Variants in NCAM1 observed in about 807,000 individuals in gnomAD.
NCAM1 encodes the protein neural cell adhesion molecule 1.
Under a neutral mutation model 109.8 loss-of-function variants are expected in NCAM1, and 14 were observed. The ratio of observed to expected loss-of-function variants is 0.13; its 90% CI spans 0.08 to 0.20. The LOEUF (loss-of-function observed/expected upper bound fraction) is 0.20, where lower values mean the gene tolerates loss of function less well. NCAM1 is among the 10% of genes least tolerant of loss of function. The probability of loss-of-function intolerance (pLI) is 1.00; values close to 1 mark genes in which losing one functional copy is unlikely to be tolerated. For synonymous variants in NCAM1, 418 were observed against 442.9 expected, an observed-to-expected ratio of 0.94 and a Z score of 0.70; for missense variants, 774 against 1,109.9, an observed-to-expected ratio of 0.70 and a Z score of 4.30.
At chr11:112,965,766 A>G (rs1950714765) in intron 1 of NCAM1, among the ~76,000 whole-genome samples, 1 of 152,230 alleles carries the variant, frequency 6.6e-6, no homozygotes, top group African/African-American at 2.4e-5. Flanking sequence ...AGTGGCTTCA[A>G]TACTACTGGC....
chr11:113,035,723 T>G (rs1482565817), intron 1 of NCAM1, among the ~76,000 whole-genome samples: 1 of 152,302 alleles, frequency 6.6e-6, no homozygotes, highest in East Asian at 1.9e-4. Context: ...ATATTTGCAT[T>G]TATTAAGTAT....
rs1946239855 is a variant in NCAM1, at chr11:113,270,362, G to A, written c.2306G>A (p.Gly769Asp). 2 of 1,614,002 alleles carry A rather than the reference G, an allele frequency of 1.2e-6. No individual in the cohort carries two copies. Among genetic ancestry groups the A allele is most frequent in the Non-Finnish European group, 1.7e-6 (2 of 1,179,892 alleles). ...GGAAAAGCCGGGCCCGGGGCCAAGG[G>A]CAAGGACATGGAGGAGGGCAAGGCC... is the stretch of plus-strand genomic sequence containing the variant. The part of the protein sequence containing the change: ...LCGKAGPGAK[G>D]KDMEEGKAAF... Residue 769 changes from glycine (G) to aspartate (D), a missense_variant, in exon 18 of 20, where the codon GGC becomes GAC. Transcript: ENST00000316851.
intron 1 of NCAM1, among the ~76,000 whole-genome samples, chr11:113,022,289 A>G (rs1952410571): frequency 6.6e-6 from 1 of 152,120 alleles, no homozygotes; most frequent in South Asian, 2.1e-4. Context: ...CTTGTTTATG[A>G]CTCTAGGGAA....
chr11:113,177,848 TTC>T (rs1329450444), intron 1 of NCAM1, among the ~76,000 whole-genome samples: 2 of 152,114 alleles, frequency 1.3e-5, no homozygotes, highest in Admixed American at 6.6e-5. Context: ...CGTTTCTGCT[TTC>T]TCTCTTTCCT....
intron 1 of NCAM1, among the ~76,000 whole-genome samples, chr11:113,188,650 G>T (rs1295422294): frequency 3.3e-5 from 5 of 152,188 alleles, no homozygotes; most frequent in African/African-American, 1.2e-4. Context: ...TGTTGAGGTT[G>T]ATTCTATTTT....
At chr11:113,077,307 C>T (rs1555086305) in intron 1 of NCAM1, among the ~76,000 whole-genome samples, 1 of 152,160 alleles carries the variant, frequency 6.6e-6, no homozygotes. Context: ...GTATTTTGAT[C>T]TTGATATAAA....
chr11:113,173,702 T>C (rs1195999239), intron 1 of NCAM1, among the ~76,000 whole-genome samples: 1 of 150,802 alleles, frequency 6.6e-6, no homozygotes, highest in Non-Finnish European at 1.5e-5. Flanking sequence ...AGGTTCATTC[T>C]TGCCTAGTTC....
intron 1 of NCAM1, among the ~76,000 whole-genome samples, chr11:113,121,074 G>T (rs1236171184): frequency 6.6e-6 from 1 of 152,094 alleles, no homozygotes; most frequent in African/African-American, 2.4e-5. Flanking sequence ...GTCTTTAGGG[G>T]TCCAGTTTCT....
chr11:113,073,489 C>A (rs560398252), intron 1 of NCAM1, among the ~76,000 whole-genome samples: 1 of 152,218 alleles, frequency 6.6e-6, no homozygotes, highest in Non-Finnish European at 1.5e-5. Context: ...CTTCATACCT[C>A]TCTGGCAGCT....
At chr11:113,081,537 CTT>C (rs782197984) in intron 1 of NCAM1, among the ~76,000 whole-genome samples, 16 of 146,426 alleles carry the variant, frequency 1.1e-4, no homozygotes, top group Non-Finnish European at 1.9e-4. Flanking sequence ...TACTTTTTAT[CTT>C]TTCTTTTTTT....
chr11:113,174,993 C>T (rs1943102616), intron 1 of NCAM1, among the ~76,000 whole-genome samples: 2 of 152,176 alleles, frequency 1.3e-5, no homozygotes, highest in South Asian at 4.1e-4. Flanking sequence ...CAGCTAGGAG[C>T]CAAAAGGCTT....
At chr11:113,263,853 GACAGGCCACTC>G in intron 17 of NCAM1, 1 of 985,536 alleles carries the variant, frequency 1.0e-6, no homozygotes, top group Non-Finnish European at 1.2e-6. Flanking sequence ...GAAGGAGAGG[GACAGGCCACTC>G]CCAGACTGCC....
chr11:113,196,037 A>G (rs782006366), intron 1 of NCAM1, among the ~76,000 whole-genome samples: 8 of 151,994 alleles, frequency 5.3e-5, no homozygotes, highest in Non-Finnish European at 1.2e-4. Flanking sequence ...CAATTTCGAT[A>G]TCCCTTTGAG....
chr11:113,121,180 T>G (rs1303223121), intron 1 of NCAM1, among the ~76,000 whole-genome samples: 1 of 151,138 alleles, frequency 6.6e-6, no homozygotes, highest in Non-Finnish European at 1.5e-5. Flanking sequence ...CATGTTAAAG[T>G]GCCATATTTT....
intron 1 of NCAM1, among the ~76,000 whole-genome samples, chr11:112,990,447 G>A (rs997698027): frequency 3.9e-5 from 6 of 152,272 alleles, no homozygotes; most frequent in Admixed American, 6.5e-5. Context: ...TCTGACCACC[G>A]TTGAGAGGGA....
intron 16 of NCAM1, among the ~76,000 whole-genome samples, chr11:113,257,071 A>G (rs1463167877): frequency 6.6e-6 from 1 of 152,144 alleles, no homozygotes; most frequent in Admixed American, 6.5e-5. Context: ...TTCCCACTTA[A>G]TTTGTAAGCA....
chr11:113,262,702 A>T, intron 17 of NCAM1: 1 of 874,566 alleles, frequency 1.1e-6, no homozygotes, highest in African/African-American at 1.7e-5. Flanking sequence ...TTCTGTCTCT[A>T]CCTTCCCTTT....
chr11:113,048,823 G>C (rs1474028797), intron 1 of NCAM1, among the ~76,000 whole-genome samples: 2 of 152,178 alleles, frequency 1.3e-5, no homozygotes, highest in African/African-American at 4.8e-5. Flanking sequence ...TATCACTTAG[G>C]TATGTCTGAG....
intron 8 of NCAM1, among the ~76,000 whole-genome samples, chr11:113,216,431 C>T (rs1020312197): frequency 6.6e-6 from 1 of 152,166 alleles, no homozygotes; most frequent in Non-Finnish European, 1.5e-5. Context: ...GGATTACAGG[C>T]GTGAGCCACC....
Sources: allele counts gnomAD v4.1 joint callset (sites outside exome capture counted in the v4.1 genomes callset), GRCh38; gene constraint gnomAD v4.1.1; transcripts MANE v1.5; gene names NCBI Gene and HGNC (gene_info 2026-07-23, HGNC 2026-07-21).